C15orf61: variants seen among roughly 807,000 people sequenced by gnomAD.
C15orf61 encodes chromosome 15 open reading frame 61, also known as uncharacterized protein C15orf61.
C15orf61 carries 12 observed loss-of-function variants against 13.7 expected under a neutral mutation model. That is an observed-to-expected ratio of 0.88 (90% CI 0.56 to 1.42). The LOEUF (loss-of-function observed/expected upper bound fraction) is 1.42. Among genes scored for constraint, C15orf61 ranks in the 40% most tolerant of loss-of-function variants. The probability of loss-of-function intolerance (pLI) is 0.00; values close to 1 mark genes in which losing one functional copy is unlikely to be tolerated. For missense variants in C15orf61, 248 were observed against 213.2 expected (o/e 1.16, Z -1.02); for synonymous variants, 92 against 94.1 (o/e 0.98, Z 0.13).
rs1166914413 is a variant in C15orf61 at position 67,525,492 on chromosome 15, G to GAA, written c.347-924_347-923dup. Among the ~76,000 whole-genome samples, 6 of 152,162 alleles carry GAA rather than the reference G, an allele frequency of 3.9e-5. No individual in the cohort carries two copies. The highest frequency in any genetic ancestry group is 1.3e-4 in the Admixed American group (2 of 15,276). On this transcript the variant is annotated intron_variant, in intron 1 of 1. Coordinates refer to ENST00000342683, the MANE Select transcript of C15orf61 (RefSeq NM_001143936.2). The surrounding 1 kb of genome is among the most constrained non-coding windows in gnomAD (Gnocchi z 4.9). The stretch of plus-strand genomic sequence containing the variant: ...GCAAAATCTTATCAATTCCAAAGAA[G>GAA]AAACACATGTTGGAGTCTACTATAT...
At chr15:67,524,595 TAGAG>T (rs1022262657) in intron 1 of C15orf61, among the ~76,000 whole-genome samples, 7 of 152,112 alleles carry the variant, frequency 4.6e-5, no homozygotes, top group Admixed American at 2.6e-4. Context: ...TTCCTAAAAA[TAGAG>T]AGATGCCAGC....
At position 67,527,383 on chromosome 15, in the gene C15orf61, G is replaced by GC. The variant is rs2084204629; in HGVS notation, c.*839dup. On this transcript the variant is annotated 3_prime_UTR_variant, in exon 2 of 2. Coordinates refer to ENST00000342683, the MANE Select transcript of C15orf61 (RefSeq NM_001143936.2). ...ATTTTAAAGACCTAATGGCACTTTT[G>GC]CATTTGAATTTTATTAACTTAATTG... is the stretch of plus-strand genomic sequence containing the variant. 6.6e-6 allele frequency: 1 copy of GC among 152,112 alleles called. No homozygotes were observed. Among genetic ancestry groups the GC allele is most frequent in the Non-Finnish European group, 1.5e-5 (1 of 67,996 alleles). The allele number at this position is 152,112 out of a possible 1,614,324, so 9.4% of individuals were successfully genotyped here. A position where few individuals can be genotyped will look rare whatever the true frequency, so the allele number is the denominator to read the frequency against.
intron 1 of C15orf61, chr15:67,522,323 C>T: frequency 2.9e-6 from 2 of 678,938 alleles, no homozygotes; most frequent in Non-Finnish European, 5.3e-6. Context: ...TTACTAATAG[C>T]TGGCATAAAA....
chr15:67,525,805 A>G lies in C15orf61; in HGVS notation c.347-613A>G, dbSNP rs1004911381. On this transcript the variant is annotated intron_variant, in intron 1 of 1. Transcript: ENST00000342683. This position sits in a 1 kb window ranked among gnomAD's most constrained non-coding sequence, Gnocchi z 4.9. The stretch of plus-strand genomic sequence containing the variant: ...CTAGGCCCAGGATCACAAGGTCAAG[A>G]GATCGAGACCATCCTGGCCAACATG... 6.6e-6 allele frequency among the ~76,000 whole-genome samples: 1 copy of G among 152,244 alleles called. No individual in the cohort carries two copies. Among genetic ancestry groups the G allele is most frequent in the African/African-American group, 2.4e-5 (1 of 41,472 alleles).
chr15:67,530,139 C>T lies in C15orf61; in HGVS notation c.*3594C>T, dbSNP rs935250398. ...AGATCAATGTCCAATAAAGGCTGCA[C>T]GATCAAATCTTGTTGCAATGATTGA... On this transcript the variant is annotated 3_prime_UTR_variant, in exon 2 of 2. Transcript: ENST00000342683. 5 of 152,146 alleles carry T rather than the reference C, an allele frequency of 3.3e-5. No homozygotes were observed. The highest frequency in any genetic ancestry group is 2.0e-4 in the Admixed American group (3 of 15,280). 9.4% of individuals were successfully genotyped at this position (152,146 alleles called of 1,614,324 possible).
chr15:67,524,462 A>G (rs564184002), intron 1 of C15orf61, among the ~76,000 whole-genome samples: 3 of 151,920 alleles, frequency 2.0e-5, no homozygotes, highest in African/African-American at 7.2e-5. Context: ...TTTTTATGAC[A>G]TTCCCTTGAG....
chr15:67,521,916 G>A, intron 1 of C15orf61: 1 of 671,904 alleles, frequency 1.5e-6, no homozygotes, highest in African/African-American at 1.8e-5. Context: ...GTCAGGAAAC[G>A]CCCCCTAGAA....
intron 1 of C15orf61, among the ~76,000 whole-genome samples, chr15:67,524,178 A>T (rs541653991): frequency 6.6e-6 from 1 of 152,232 alleles, no homozygotes. Context: ...GGCCTATTTT[A>T]TGTATTTTAG....
rs1022433362 is a variant in C15orf61, at chr15:67,529,324, T to A, written c.*2779T>A. On this transcript the variant is annotated 3_prime_UTR_variant, in exon 2 of 2. Transcript: ENST00000342683. The surrounding 1 kb of genome is among the most constrained non-coding windows in gnomAD (Gnocchi z 4.4). ...GCTGCTAATACAAAAATCTCTATTT[T>A]CTTAGTGTTGATGTCCTAAAATGCC... is the stretch of plus-strand genomic sequence containing the variant. 1.3e-5 allele frequency: 2 copies of A among 152,220 alleles called. No individual in the cohort carries two copies. Among genetic ancestry groups the A allele is most frequent in the Non-Finnish European group, 2.9e-5 (2 of 68,044 alleles). 9.4% of individuals were successfully genotyped at this position (152,220 alleles called of 1,614,324 possible).
chr15:67,521,201 C>CGCGCCAGCGGCTGCGG lies in C15orf61; in HGVS notation c.-47_-32dup, dbSNP rs1555522598. On this transcript the variant is annotated 5_prime_UTR_variant, in exon 1 of 2. Transcript: ENST00000342683. ...CGGCGCTCGCCCGGGGGCGCGCTTG[C>CGCGCCAGCGGCTGCGG]GCGCCAGCGGCTGCGGACACCAGCC... 3 of 1,163,112 alleles carry CGCGCCAGCGGCTGCGG rather than the reference C, an allele frequency of 2.6e-6. No homozygotes were observed. The highest frequency in any genetic ancestry group is 3.2e-6 in the Non-Finnish European group (3 of 932,932). 72.0% of individuals were successfully genotyped at this position (1,163,112 alleles called of 1,614,324 possible).
Position 67,521,367 on chromosome 15 carries a change from TG to T in C15orf61, c.120del (p.Leu41CysfsTer103). 1 of 1,538,276 alleles carries T rather than the reference TG, an allele frequency of 6.5e-7. No homozygotes were observed. Among genetic ancestry groups the T allele is most frequent in the Non-Finnish European group, 8.7e-7 (1 of 1,146,254 alleles). ...GCCTCGGAGGTGCTGACGCGGCATC[TG>T]CTGCAGCGGCGCCTGCCGCACTGGA... ...PSASEVLTRHLLQRRLPHWTS... is the reference protein window; with the variant it reads ...PSASEVLTRHXLQRRLPHWTS... On this transcript the variant is annotated frameshift_variant, in exon 1 of 2. Coordinates refer to ENST00000342683, the MANE Select transcript of C15orf61 (RefSeq NM_001143936.2). LOFTEE classifies it high-confidence loss of function.
rs2084200500 is a variant in C15orf61 at position 67,526,634 on chromosome 15, G to A, written c.*89G>A. 48 of 1,277,126 alleles carry A rather than the reference G, an allele frequency of 3.8e-5. No individual in the cohort carries two copies. The East Asian group carries it at 1.4e-3, about 36-fold the overall frequency. The allele number at this position is 1,277,126 out of a possible 1,614,324, so 79.1% of individuals were successfully genotyped here. On this transcript the variant is annotated 3_prime_UTR_variant, in exon 2 of 2. Transcript: ENST00000342683. Reference sequence around the variant, plus strand: ...TTTGATCCTTTAAAATAAAACTTTTGCAAATACTTTTTTCTTTCTACAGTA... The same window carrying A: ...TTTGATCCTTTAAAATAAAACTTTTACAAATACTTTTTTCTTTCTACAGTA...
At chr15:67,522,995 G>C (rs1240124664) in intron 1 of C15orf61, among the ~76,000 whole-genome samples, 1 of 152,122 alleles carries the variant, frequency 6.6e-6, no homozygotes, top group Non-Finnish European at 1.5e-5. Context: ...ACATAGAAAA[G>C]TAAAACCTTT....
chr15:67,526,821 A>G lies in C15orf61; in HGVS notation c.*276A>G, dbSNP rs1014556320. On this transcript the variant is annotated 3_prime_UTR_variant, in exon 2 of 2. Coordinates refer to ENST00000342683, the MANE Select transcript of C15orf61 (RefSeq NM_001143936.2). ...AACCTACAGATAAAAAATGATTACA[A>G]TGTAATAGATTCTATAGTTAATTAA... 3.0e-5 allele frequency: 7 copies of G among 231,924 alleles called. No homozygotes were observed. The highest frequency in any genetic ancestry group is 4.5e-5 in the African/African-American group (2 of 44,548). 14.4% of individuals were successfully genotyped at this position (231,924 alleles called of 1,614,324 possible).
chr15:67,521,920 C>G, intron 1 of C15orf61: 1 of 677,134 alleles, frequency 1.5e-6, no homozygotes, highest in Non-Finnish European at 2.7e-6. Flanking sequence ...GGAAACGCCC[C>G]CTAGAAAGTG....
At position 67,521,589 on chromosome 15, in the gene C15orf61, A is replaced by G. The variant is rs957939411; in HGVS notation, c.341A>G (p.Asn114Ser). The G allele has an allele frequency of 5.9e-6, 9 of 1,523,874 alleles. No homozygotes were observed. The highest frequency in any genetic ancestry group is 8.0e-6 in the Non-Finnish European group (9 of 1,129,290). The allele number at this position is 1,523,874 out of a possible 1,614,324, so 94.4% of individuals were successfully genotyped here. The change falls in exon 1 of 2, where the codon AAC becomes AGC. Residue 114 changes from asparagine (N) to serine (S), a missense_variant. Asn to Ser is a conservative substitution (Grantham distance 46). Transcript: ENST00000342683. ...TTCTTCACGGCGCTCAAGGTCGTCA[A>G]CCTCGGTGAGTGGCGACTGCCGCGC... ...NRFFTALKVV[N>S]LGIPTLLYGL... is the part of the protein sequence containing the mutation.
Position 67,526,954 on chromosome 15 carries a change from T to C in C15orf61, c.*409T>C, listed in dbSNP as rs913886487. On this transcript the variant is annotated 3_prime_UTR_variant, in exon 2 of 2. Coordinates refer to ENST00000342683, the MANE Select transcript of C15orf61 (RefSeq NM_001143936.2). ...AAGAAGTAGAAGACATTAGGATGTATGATGGAAATATTACATCATTGGCAA... is the reference window on the plus strand; with the variant it reads ...AAGAAGTAGAAGACATTAGGATGTACGATGGAAATATTACATCATTGGCAA... The C allele has an allele frequency of 1.3e-5, 2 of 152,840 alleles. No individual in the cohort carries two copies. The highest frequency in any genetic ancestry group is 2.9e-5 in the Non-Finnish European group (2 of 68,510). The allele number at this position is 152,840 out of a possible 1,614,324, so 9.5% of individuals were successfully genotyped here.
chr15:67,522,324 T>TG, intron 1 of C15orf61: 1 of 678,076 alleles, frequency 1.5e-6, no homozygotes, highest in Non-Finnish European at 2.6e-6. Flanking sequence ...TACTAATAGC[T>TG]GGCATAAAAT....
chr15:67,526,495 C>G lies in C15orf61; in HGVS notation c.424C>G (p.Pro142Ala). The change falls in exon 2 of 2, where the codon CCC (proline) becomes GCC (alanine). Residue 142 changes from proline to alanine, a missense_variant. By Grantham distance (27) the Pro-to-Ala change is conservative (BLOSUM62 -1). Coordinates refer to ENST00000342683, the MANE Select transcript of C15orf61 (RefSeq NM_001143936.2). ...AGAGACTGTGCATACCAGTTATGGACCCATAACAGTTTATTTTCTCAATAA... is the reference window on the plus strand; with the variant it reads ...AGAGACTGTGCATACCAGTTATGGAGCCATAACAGTTTATTTTCTCAATAA... ...VTETVHTSYG[P>A]ITVYFLNKED... is the part of the protein sequence containing the mutation. 1 of 1,537,122 alleles carries G rather than the reference C, an allele frequency of 6.5e-7. No individual in the cohort carries two copies. Among genetic ancestry groups the G allele is most frequent in the Non-Finnish European group, 8.8e-7 (1 of 1,136,458 alleles).
Sources: allele counts gnomAD v4.1 joint callset (sites outside exome capture counted in the v4.1 genomes callset), GRCh38; gene constraint gnomAD v4.1.1; non-coding constraint Gnocchi (gnomAD v3.1); transcripts MANE v1.5; gene names NCBI Gene and HGNC (gene_info 2026-07-23, HGNC 2026-07-21).